Variants in FYCO1 observed in about 807,000 individuals in gnomAD.
FYCO1 encodes the protein FYVE and coiled-coil domain autophagy adaptor 1.
A neutral mutation model predicts 165.1 loss-of-function variants in FYCO1; 122 were observed. The observed-to-expected ratio is 0.74, with a 90% CI of 0.64 to 0.86. FYCO1 has a LOEUF of 0.86. FYCO1 is among the 40% of genes least tolerant of loss of function. FYCO1 has a pLI of 0.00. For synonymous variants in FYCO1, 648 were observed against 742.5 expected, an observed-to-expected ratio of 0.87 and a Z score of 2.07; for missense variants, 1,702 against 1,810.3, an observed-to-expected ratio of 0.94 and a Z score of 1.09.
intron 16 of FYCO1, among the ~76,000 whole-genome samples, chr3:45,925,233 ATT>A (rs373178527): frequency 6.9e-6 from 1 of 144,410 alleles, no homozygotes; most frequent in Non-Finnish European, 1.5e-5. Context: ...CAGCCCTTAC[ATT>A]TTTTTTTTTT....
At chr3:45,951,586 C>G (rs1705032999) in intron 14 of FYCO1, among the ~76,000 whole-genome samples, 1 of 152,238 alleles carries the variant, frequency 6.6e-6, no homozygotes, top group African/African-American at 2.4e-5. Flanking sequence ...GCTTGATTTC[C>G]TTCTCTGCCT....
intron 7 of FYCO1, 39 bp from the exon 8 acceptor site, chr3:45,968,742 G>A: frequency 6.2e-7 from 1 of 1,613,014 alleles, no homozygotes. Context: ...GCTTTAGGAT[G>A]AAGCTACAGG....
At chr3:45,986,821 G>C (rs1707340104) in intron 1 of FYCO1, among the ~76,000 whole-genome samples, 1 of 152,218 alleles carries the variant, frequency 6.6e-6, no homozygotes, top group Non-Finnish European at 1.5e-5. Flanking sequence ...CGGGGCCCTA[G>C]AGAGAGCCAG....
intron 16 of FYCO1, among the ~76,000 whole-genome samples, chr3:45,928,762 G>A (rs1703443837): frequency 6.6e-6 from 1 of 151,978 alleles, no homozygotes; most frequent in African/African-American, 2.4e-5. Context: ...CTTCCCAGGG[G>A]TACCCACAGT....
At chr3:45,946,630 C>T (rs1306438946) in intron 14 of FYCO1, 1 of 1,614,204 alleles carries the variant, frequency 6.2e-7, no homozygotes. Flanking sequence ...GTGGGGAACT[C>T]TCTGGTGCTG....
intron 14 of FYCO1, chr3:45,938,185 C>T (rs752374811): frequency 1.9e-5 from 24 of 1,286,202 alleles, no homozygotes; most frequent in African/African-American, 6.1e-5. Flanking sequence ...TGACAGACAA[C>T]GCCTGATTAC....
intron 11 of FYCO1, among the ~76,000 whole-genome samples, chr3:45,960,163 G>A (rs1237940513): frequency 1.3e-5 from 2 of 152,190 alleles, no homozygotes; most frequent in Non-Finnish European, 2.9e-5. Flanking sequence ...GGAGGGGGAG[G>A]ATGTGAACAG....
intron 7 of FYCO1, among the ~76,000 whole-genome samples, chr3:45,969,345 T>C (rs1420231593): frequency 1.3e-5 from 2 of 152,226 alleles, no homozygotes; most frequent in African/African-American, 4.8e-5. Context: ...CCCCATCCTG[T>C]GGATGAGAGA....
intron 6 of FYCO1, among the ~76,000 whole-genome samples, chr3:45,971,148 A>T (rs1706423197): frequency 6.6e-6 from 1 of 152,228 alleles, no homozygotes; most frequent in Admixed American, 6.5e-5. Flanking sequence ...GTAAGCTTCA[A>T]AATAAATAAT....
chr3:45,930,541 C>T (rs1703539399), intron 16 of FYCO1, among the ~76,000 whole-genome samples: 1 of 152,218 alleles, frequency 6.6e-6, no homozygotes. Flanking sequence ...GAACAACAGT[C>T]CGGGCACTGT....
intron 15 of FYCO1, 151 bp from the exon 16 acceptor site, chr3:45,931,432 G>A: frequency 1.4e-6 from 1 of 717,722 alleles, no homozygotes; most frequent in Non-Finnish European, 2.5e-6. Context: ...GCTTAATTAT[G>A]GGATGGGCAG....
At chr3:45,939,819 A>G (rs892064207) in intron 14 of FYCO1, among the ~76,000 whole-genome samples, 1 of 152,260 alleles carries the variant, frequency 6.6e-6, no homozygotes, top group Non-Finnish European at 1.5e-5. Context: ...GCCACTAGCC[A>G]TATGTGGCTA....
chr3:45,925,260 A>G (rs1274832392), intron 16 of FYCO1, among the ~76,000 whole-genome samples: 1 of 150,456 alleles, frequency 6.6e-6, no homozygotes, highest in Non-Finnish European at 1.5e-5. Context: ...AGAAGTGACT[A>G]GCACCTAGAG....
chr3:45,947,455 C>A lies in FYCO1; in HGVS notation c.3944+7794G>T, dbSNP rs564233008. The A allele has an allele frequency of 1.9e-6, 3 of 1,614,184 alleles. No individual in the cohort carries two copies. In the South Asian group the frequency reaches 3.3e-5, roughly 18 times the overall value. On this transcript the variant is annotated intron_variant, in intron 14 of 17. Transcript: ENST00000296137. ...CAATGGAAATCTTCTGAGGACAATT[C>A]CAAGACTTTTTCTGCCTCCCACAAT...
chr3:45,979,884 C>T lies in FYCO1; in HGVS notation c.163-54G>A, dbSNP rs986131293. The T allele has an allele frequency of 3.7e-5, 60 of 1,604,574 alleles. No homozygotes were observed. The highest frequency in any genetic ancestry group is 1.7e-4 in the Middle Eastern group (1 of 6,042). On this transcript the variant is annotated intron_variant, in intron 3 of 17. Coordinates refer to ENST00000296137, the MANE Select transcript of FYCO1 (RefSeq NM_024513.4). ...GGTCCAAACCCACTGCTCTTCATTCCGGCATTTAAATGATAAATAATAACA... is the reference window on the plus strand; with the variant it reads ...GGTCCAAACCCACTGCTCTTCATTCTGGCATTTAAATGATAAATAATAACA...
Position 45,962,341 on chromosome 3 carries a change from G to A in FYCO1, c.3321C>T (p.Asn1107=). The A allele has an allele frequency of 6.2e-7, 1 of 1,614,086 alleles. No individual in the cohort carries two copies. The highest frequency in any genetic ancestry group is 1.7e-5 in the Admixed American group (1 of 60,028). The part of the protein sequence containing the change: ...KATTKIQEYY[N]KLCQEVTNRE... ...GATTTGTCACCTCCTGGCAGAGTTTGTTGTAATACTCTTGGATTTTTGTTG... is the reference window on the plus strand; with the variant it reads ...GATTTGTCACCTCCTGGCAGAGTTTATTGTAATACTCTTGGATTTTTGTTG... Residue 1107 remains asparagine, a synonymous_variant, in exon 11 of 18, where the codon AAC becomes AAT. Coordinates refer to ENST00000296137, the MANE Select transcript of FYCO1 (RefSeq NM_024513.4). The surrounding 1 kb of genome is among the most constrained non-coding windows in gnomAD (Gnocchi z 4.4).
intron 14 of FYCO1, among the ~76,000 whole-genome samples, chr3:45,944,853 A>G (rs531150867): frequency 5.3e-4 from 81 of 152,368 alleles, no homozygotes; most frequent in Admixed American, 1.4e-3. Flanking sequence ...CACCTGTTTC[A>G]TATTTTAAAT....
chr3:45,946,464 T>G (rs748422204), intron 14 of FYCO1: 1 of 1,597,436 alleles, frequency 6.3e-7, no homozygotes, highest in Non-Finnish European at 8.6e-7. Flanking sequence ...CTCACAGGTG[T>G]TCATCAGAAC....
chr3:45,942,984 T>C (rs941761952), intron 14 of FYCO1, among the ~76,000 whole-genome samples: 1 of 152,196 alleles, frequency 6.6e-6, no homozygotes, highest in African/African-American at 2.4e-5. Flanking sequence ...CAGGGCTTGT[T>C]ATTTTGGCTA....
Sources: gnomAD v4.1 joint callset for allele counts (sites outside exome capture counted in the v4.1 genomes callset) on GRCh38, gnomAD v4.1.1 for gene constraint, Gnocchi (gnomAD v3.1) non-coding constraint, MANE v1.5 for transcripts, NCBI Gene and HGNC (gene_info 2026-07-23, HGNC 2026-07-21) for gene names.